TMEM232: variants seen among roughly 807,000 people sequenced by gnomAD.
The protein encoded by TMEM232 is transmembrane protein 232.
Under a neutral mutation model 78.8 loss-of-function variants are expected in TMEM232, and 80 were observed. The observed-to-expected ratio is 1.01, with a 90% CI of 0.85 to 1.22. The LOEUF (loss-of-function observed/expected upper bound fraction) is 1.22, where lower values mean the gene tolerates loss of function less well. Among genes scored for constraint, TMEM232 ranks in the 50% most tolerant of loss-of-function variants. The pLI is 0.00. For synonymous variants in TMEM232, 297 were observed against 254.3 expected, an observed-to-expected ratio of 1.17 and a Z score of -1.60; for missense variants, 881 against 742.2, an observed-to-expected ratio of 1.19 and a Z score of -2.17.
At chr5:110,401,721 G>A (rs921239778) in intron 2 of TMEM232, among the ~76,000 whole-genome samples, 7 of 151,710 alleles carry the variant, frequency 4.6e-5, no homozygotes, top group African/African-American at 1.5e-4. Context: ...TTTTTCCTGG[G>A]CTCACCCAAT....
At chr5:110,546,155 A>C (rs1773753202) in intron 11 of TMEM232, among the ~76,000 whole-genome samples, 1 of 152,070 alleles carries the variant, frequency 6.6e-6, no homozygotes, top group Non-Finnish European at 1.5e-5. Context: ...GAGGCATCAA[A>C]TTTTATGAAC....
chr5:110,552,610 T>C (rs1774604637), intron 11 of TMEM232, among the ~76,000 whole-genome samples: 2 of 152,110 alleles, frequency 1.3e-5, no homozygotes, highest in South Asian at 4.1e-4. Flanking sequence ...GATCAGGCTT[T>C]AATATAAGAA....
intron 12 of TMEM232, among the ~76,000 whole-genome samples, chr5:110,459,473 T>TG (rs1033180732): frequency 6.6e-6 from 1 of 152,160 alleles, no homozygotes; most frequent in African/African-American, 2.4e-5. Context: ...TATGAGAGCA[T>TG]GCCTATAGGC....
chr5:110,695,318 T>C (rs922916651), intron 1 of TMEM232, among the ~76,000 whole-genome samples: 6 of 152,110 alleles, frequency 3.9e-5, no homozygotes, highest in African/African-American at 1.2e-4. Flanking sequence ...TAGAGGGAAA[T>C]TTATAGCACT....
At chr5:110,710,494 C>G (rs771454257) in intron 1 of TMEM232, among the ~76,000 whole-genome samples, 19 of 152,054 alleles carry the variant, frequency 1.2e-4, no homozygotes, top group Non-Finnish European at 2.4e-4. Flanking sequence ...CAAAAATCCT[C>G]AACAATATCT....
In TMEM232 at chr5:110,486,108, T is replaced by C. The variant is rs187165134; in HGVS notation, c.1703+42480A>G. 7.0e-3 allele frequency among the ~76,000 whole-genome samples: 1,059 copies of C among 152,144 alleles called. 7 individuals carry two copies. The highest frequency in any genetic ancestry group is 9.2e-3 in the Non-Finnish European group (625 of 67,950). ...ATTTTTTTCATACATTTGTTGGCCA[T>C]TTGTATATCTTCTTTTGAGAACTGT... On this transcript the variant is annotated intron_variant, in intron 12 of 13. Transcript: ENST00000455884.
At chr5:110,587,651 G>T (rs1162523730) in intron 10 of TMEM232, among the ~76,000 whole-genome samples, 1 of 132,850 alleles carries the variant, frequency 7.5e-6, no homozygotes, top group Non-Finnish European at 1.6e-5. Flanking sequence ...ATGGTTTCAT[G>T]GGTACATGTA....
At chr5:110,631,301 T>C (rs1181338795) in intron 5 of TMEM232, among the ~76,000 whole-genome samples, 5 of 152,116 alleles carry the variant, frequency 3.3e-5, no homozygotes, top group African/African-American at 1.2e-4. Flanking sequence ...TCTGAGGCTA[T>C]GAGAAGAAAC....
chr5:110,441,924 A>T (rs1390071035), intron 12 of TMEM232, among the ~76,000 whole-genome samples: 4 of 151,102 alleles, frequency 2.6e-5, no homozygotes, highest in South Asian at 4.2e-4. Flanking sequence ...TTTTTCCTTT[A>T]GCACTTTAAA....
chr5:110,700,786 G>GTAGATAGA (rs34938658), intron 1 of TMEM232, among the ~76,000 whole-genome samples: 21,397 of 142,428 alleles, frequency 0.15, 1,656 homozygotes, highest in Middle Eastern at 0.22. Context: ...AGATAGATAG[G>GTAGATAGA]TAGATAGATA....
chr5:110,706,186 T>C (rs989517359), intron 1 of TMEM232, among the ~76,000 whole-genome samples: 3 of 152,146 alleles, frequency 2.0e-5, no homozygotes, highest in African/African-American at 7.2e-5. Flanking sequence ...TGAGATATTA[T>C]AAATGATCAG....
intron 1 of TMEM232, among the ~76,000 whole-genome samples, chr5:110,698,904 C>T (rs1211313232): frequency 1.3e-5 from 2 of 151,990 alleles, no homozygotes; most frequent in Admixed American, 6.6e-5. Flanking sequence ...AGAGCAATTG[C>T]GATAAAATTG....
At chr5:110,449,458 T>C (rs2112813159) in intron 12 of TMEM232, among the ~76,000 whole-genome samples, 1 of 152,220 alleles carries the variant, frequency 6.6e-6, no homozygotes, top group African/African-American at 2.4e-5. Flanking sequence ...TTTTTAGCTC[T>C]TAAAGTTTCT....
chr5:110,534,311 T>C (rs1013607007), intron 11 of TMEM232, among the ~76,000 whole-genome samples: 1 of 152,184 alleles, frequency 6.6e-6, no homozygotes, highest in Non-Finnish European at 1.5e-5. Flanking sequence ...TTTATATCCC[T>C]TACAGTCCTC....
At chr5:110,488,562 A>G (rs1764706075) in intron 12 of TMEM232, among the ~76,000 whole-genome samples, 1 of 152,070 alleles carries the variant, frequency 6.6e-6, no homozygotes, top group Non-Finnish European at 1.5e-5. Flanking sequence ...CCAGAATTTT[A>G]GTGTTTTTAT....
At chr5:110,391,951 T>C (rs907158104) in intron 3 of TMEM232, among the ~76,000 whole-genome samples, 23 of 152,202 alleles carry the variant, frequency 1.5e-4, no homozygotes, top group African/African-American at 5.1e-4. Context: ...AAACTGAGCT[T>C]GGTACATGAC....
chr5:110,660,310 T>C (rs1789613210), intron 2 of TMEM232, among the ~76,000 whole-genome samples: 1 of 151,980 alleles, frequency 6.6e-6, no homozygotes, highest in Non-Finnish European at 1.5e-5. Flanking sequence ...ATAAAAGTAA[T>C]AATTGCTCAA....
chr5:110,689,358 T>G (rs911492483), intron 1 of TMEM232, among the ~76,000 whole-genome samples: 4 of 152,202 alleles, frequency 2.6e-5, no homozygotes, highest in Admixed American at 2.6e-4. Context: ...ATAACTACTA[T>G]GTAAATTTTA....
intron 2 of TMEM232, among the ~76,000 whole-genome samples, chr5:110,663,595 T>C (rs1367359797): frequency 6.6e-6 from 1 of 152,054 alleles, no homozygotes; most frequent in Non-Finnish European, 1.5e-5. Flanking sequence ...TGGAGCGATA[T>C]ACCATGTTTC....
Sources: gnomAD v4.1 joint callset for allele counts (sites outside exome capture counted in the v4.1 genomes callset) on GRCh38, gnomAD v4.1.1 for gene constraint, MANE v1.5 for transcripts, NCBI Gene and HGNC (gene_info 2026-07-23, HGNC 2026-07-21) for gene names.